The following GBE1 variants were observed in gnomAD, a reference collection of about 807,000 sequenced individuals.
GBE1 encodes 1,4-alpha-glucan-branching enzyme.
GBE1 carries 70 observed loss-of-function variants against 88.8 expected under a neutral mutation model. That is an observed-to-expected ratio of 0.79 (90% confidence interval 0.65 to 0.96). GBE1 has a LOEUF of 0.96. Ranked by LOEUF, GBE1 falls within the 40% of genes least tolerant of loss-of-function variation. The pLI is 0.00. For missense variants in GBE1, 872 were observed against 871.0 expected, an observed-to-expected ratio of 1.00 and a Z score of -0.01; for synonymous variants, 284 against 300.1, an observed-to-expected ratio of 0.95 and a Z score of 0.56.
chr3:81,730,204 G>C (rs923413954), intron 1 of GBE1, among the ~76,000 whole-genome samples: 4 of 152,046 alleles, frequency 2.6e-5, no homozygotes, highest in African/African-American at 9.7e-5. Flanking sequence ...AGAAACAGAT[G>C]GCTTTATAAA....
chr3:81,593,780 G>A (rs142014490), intron 8 of GBE1, 128 bp downstream of exon 8: 9 of 567,300 alleles, frequency 1.6e-5, no homozygotes, highest in Middle Eastern at 2.6e-4. Context: ...TCTACCTTTT[G>A]CCAAAATGGG....
intron 7 of GBE1, among the ~76,000 whole-genome samples, chr3:81,629,245 T>C (rs1704470543): frequency 7.1e-6 from 1 of 140,182 alleles, no homozygotes; most frequent in South Asian, 2.3e-4. Context: ...GATCTCATTG[T>C]TCAATTCCCA....
chr3:81,511,745 T>C (rs1702727784), intron 14 of GBE1, among the ~76,000 whole-genome samples: 1 of 151,766 alleles, frequency 6.6e-6, no homozygotes, highest in Non-Finnish European at 1.5e-5. Flanking sequence ...GGGAAGTAAA[T>C]TAGTTCAGCT....
intron 12 of GBE1, among the ~76,000 whole-genome samples, chr3:81,563,205 G>A (rs1703444360): frequency 6.6e-6 from 1 of 152,100 alleles, no homozygotes; most frequent in Non-Finnish European, 1.5e-5. Context: ...TTGGAAAGAA[G>A]ATCTGTAGGT....
chr3:81,738,003 T>C (rs1211935584), intron 1 of GBE1, among the ~76,000 whole-genome samples: 1 of 151,818 alleles, frequency 6.6e-6, no homozygotes, highest in Non-Finnish European at 1.5e-5. Flanking sequence ...ATATGCAGTG[T>C]TTGGTTTCTT....
chr3:81,702,758 G>T (rs1210582632), intron 2 of GBE1, among the ~76,000 whole-genome samples: 2 of 152,018 alleles, frequency 1.3e-5, no homozygotes, highest in African/African-American at 4.8e-5. Context: ...AATAAAATAT[G>T]GGCCAGGTAA....
chr3:81,513,257 C>T (rs1051284854), intron 14 of GBE1, among the ~76,000 whole-genome samples: 15 of 151,408 alleles, frequency 9.9e-5, no homozygotes, highest in Non-Finnish European at 1.8e-4. Flanking sequence ...GAAATCAAGA[C>T]AGTGCTGCAG....
At chr3:81,721,212 TA>T in intron 1 of GBE1, among the ~76,000 whole-genome samples, 1 of 73,058 alleles carries the variant, frequency 1.4e-5, no homozygotes, top group East Asian at 7.0e-4. Context: ...AAAAAATAAA[TA>T]AATAAATAAA....
chr3:81,634,625 A>AGG (rs529991863), intron 7 of GBE1, among the ~76,000 whole-genome samples: 3 of 152,162 alleles, frequency 2.0e-5, no homozygotes, highest in South Asian at 4.1e-4. Flanking sequence ...AAAAAGAGAG[A>AGG]GAAGGAGAGA....
chr3:81,694,483 G>A (rs1705565119), intron 2 of GBE1, among the ~76,000 whole-genome samples: 1 of 152,170 alleles, frequency 6.6e-6, no homozygotes, highest in Admixed American at 6.5e-5. Flanking sequence ...GGGCAAAGGA[G>A]GAGGGGAGAA....
intron 6 of GBE1, among the ~76,000 whole-genome samples, chr3:81,646,061 C>T (rs955090593): frequency 2.0e-5 from 3 of 152,152 alleles, no homozygotes; most frequent in African/African-American, 7.2e-5. Context: ...CAATCTCTTT[C>T]CAGAAAACGA....
At chr3:81,575,285 TC>T (rs1443403881) in intron 12 of GBE1, among the ~76,000 whole-genome samples, 1 of 151,910 alleles carries the variant, frequency 6.6e-6, no homozygotes. Context: ...AAAATACAAA[TC>T]TATTTATTCA....
rs1330594068 is a variant in GBE1, at chr3:81,573,998, T to TG, written c.1618+3926_1618+3927insC. Among the ~76,000 whole-genome samples the TG allele has an allele frequency of 5.9e-5, 9 of 152,162 alleles. No individual in the cohort carries two copies. In the East Asian group the frequency reaches 1.7e-3, roughly 29 times the overall value. On this transcript the variant is annotated intron_variant, in intron 12 of 15. Transcript: ENST00000429644. ...CTCAGACTTCCTCACACATGAAAGC[T>TG]AAGGCTGTTTCAGCAGCATCGTTCA...
In GBE1 at chr3:81,642,968, G is replaced by A; in HGVS notation, c.805C>T (p.Leu269=). The change falls in exon 7 of 16, where the codon CTA becomes TTA. Residue 269 remains leucine, a synonymous_variant. Transcript: ENST00000429644. The part of the protein sequence containing the change: ...ASSRYGTPEE[L]QELVDTAHSM... ...TGAGCTGTGTCTACCAGTTCTTGTA[G>A]CTCTTCAGGTGTTCCATAACGGCTA... is the stretch of plus-strand genomic sequence containing the variant. 3.7e-6 allele frequency: 6 copies of A among 1,610,628 alleles called. No homozygotes were observed. The highest frequency in any genetic ancestry group is 5.1e-6 in the Non-Finnish European group (6 of 1,177,866).
At chr3:81,629,779 A>G (rs147249366) in intron 7 of GBE1, among the ~76,000 whole-genome samples, 14,208 of 151,900 alleles carry the variant, frequency 0.094, 1,286 homozygotes, top group African/African-American at 0.23. Context: ...GGTTTGTTAC[A>G]TATGTATACA....
intron 3 of GBE1, among the ~76,000 whole-genome samples, chr3:81,660,524 C>T (rs1705011395): frequency 6.6e-6 from 1 of 152,114 alleles, no homozygotes; most frequent in Admixed American, 6.5e-5. Flanking sequence ...CTGGGAATTA[C>T]TCACCTGACC....
At chr3:81,612,833 A>G in intron 7 of GBE1, 1 of 429,720 alleles carries the variant, frequency 2.3e-6, no homozygotes, top group Non-Finnish European at 4.5e-6. Flanking sequence ...ATTCTGATGC[A>G]GGTGTGGATG....
At chr3:81,746,800 A>G (rs576065882) in intron 1 of GBE1, among the ~76,000 whole-genome samples, 3 of 152,288 alleles carry the variant, frequency 2.0e-5, no homozygotes, top group South Asian at 2.1e-4. Flanking sequence ...ATATATCACA[A>G]ATTTTTGCCT....
intron 2 of GBE1, among the ~76,000 whole-genome samples, chr3:81,703,523 T>C (rs1452226269): frequency 6.6e-6 from 1 of 152,016 alleles, no homozygotes; most frequent in Non-Finnish European, 1.5e-5. Flanking sequence ...AGAAACTGAA[T>C]TTTATATTTT....
Sources: gnomAD v4.1 joint callset for allele counts (sites outside exome capture counted in the v4.1 genomes callset) on GRCh38, gnomAD v4.1.1 for gene constraint, MANE v1.5 for transcripts, NCBI Gene and HGNC (gene_info 2026-07-23, HGNC 2026-07-21) for gene names.